LINGO2: variants seen among roughly 807,000 people sequenced by gnomAD.
LINGO2 encodes the protein leucine-rich repeat and immunoglobulin-like domain-containing nogo receptor-interacting protein 2.
A neutral mutation model predicts 30.6 loss-of-function variants in LINGO2; 14 were observed. The ratio of observed to expected loss-of-function variants is 0.46; its 90% CI spans 0.30 to 0.72. LINGO2 has a LOEUF of 0.72. Among genes scored for constraint, LINGO2 ranks in the 30% least tolerant of loss-of-function variants. LINGO2 has a pLI of 0.07. For synonymous variants in LINGO2, 317 were observed against 288.5 expected, an observed-to-expected ratio of 1.10 and a Z score of -1.00; for missense variants, 729 against 751.7, an observed-to-expected ratio of 0.97 and a Z score of 0.35.
At chr9:28,220,204 G>C (rs1042238400) in intron 4 of LINGO2, among the ~76,000 whole-genome samples, 3 of 152,194 alleles carry the variant, frequency 2.0e-5, no homozygotes, top group Admixed American at 1.3e-4. Context: ...CGTATCTCTG[G>C]GAGTCCTGGA....
the LINGO2 span, among the ~76,000 whole-genome samples, chr9:28,881,583 A>G: frequency 4.6e-5 from 7 of 151,754 alleles, no homozygotes; most frequent in African/African-American, 1.7e-4. Flanking sequence ...GAAAAATGCT[A>G]ACATTACTGA....
chr9:28,440,322 G>T (rs1345253179), intron 2 of LINGO2, among the ~76,000 whole-genome samples: 1 of 152,080 alleles, frequency 6.6e-6, no homozygotes, highest in Non-Finnish European at 1.5e-5. Flanking sequence ...AAAAAGGTGT[G>T]AATACTGAAG....
At chr9:27,943,355 C>G (rs1823240247), downstream of LINGO2, 1 of 152,038 alleles carries the variant, frequency 6.6e-6, no homozygotes, top group Non-Finnish European at 1.5e-5. Flanking sequence ...TTTTTGTTGT[C>G]TTCTAATGAC....
chr9:29,158,072 G>T, the LINGO2 span, among the ~76,000 whole-genome samples: 1 of 152,158 alleles, frequency 6.6e-6, no homozygotes, highest in Admixed American at 6.5e-5. Context: ...GCTGGGCATG[G>T]TGGCTCATGC....
the LINGO2 span, among the ~76,000 whole-genome samples, chr9:28,883,626 G>GTGTGTGTGTA: frequency 1.6e-4 from 4 of 25,638 alleles, no homozygotes; most frequent in African/African-American, 2.9e-4. Flanking sequence ...ATATGTGTGT[G>GTGTGTGTGTA]TGTATATATA....
At chr9:28,278,933 C>A (rs1823225811) in intron 4 of LINGO2, among the ~76,000 whole-genome samples, 1 of 152,070 alleles carries the variant, frequency 6.6e-6, no homozygotes, top group Non-Finnish European at 1.5e-5. Flanking sequence ...TCATAAAGAA[C>A]ATTCATTATT....
chr9:28,742,922 C>A, the LINGO2 span, among the ~76,000 whole-genome samples: 1 of 151,804 alleles, frequency 6.6e-6, no homozygotes, highest in Non-Finnish European at 1.5e-5. Context: ...ATATTTTATG[C>A]AATTCTTTTT....
At chr9:28,892,702 T>C in the LINGO2 span, among the ~76,000 whole-genome samples, 3 of 151,954 alleles carry the variant, frequency 2.0e-5, no homozygotes, top group African/African-American at 7.2e-5. Flanking sequence ...ATAACTGTAT[T>C]GACTTTAATT....
chr9:28,845,735 TAATA>T, the LINGO2 span, among the ~76,000 whole-genome samples: 14 of 151,708 alleles, frequency 9.2e-5, no homozygotes, highest in Admixed American at 2.0e-4. Flanking sequence ...GTGTGAGAAA[TAATA>T]AATAGATAAT....
chr9:29,187,612 T>A, the LINGO2 span, among the ~76,000 whole-genome samples: 2 of 152,180 alleles, frequency 1.3e-5, no homozygotes, highest in African/African-American at 2.4e-5. Flanking sequence ...AAACTATAAC[T>A]TTGCATTATA....
At chr9:28,552,928 C>T (rs573837282) in intron 1 of LINGO2, among the ~76,000 whole-genome samples, 2 of 150,318 alleles carry the variant, frequency 1.3e-5, no homozygotes, top group East Asian at 2.0e-4. Context: ...GATGAAGAAC[C>T]TTTTCTCACA....
chr9:28,014,260 G>C (rs569958761), intron 4 of LINGO2, among the ~76,000 whole-genome samples: 41 of 152,054 alleles, frequency 2.7e-4, no homozygotes, highest in Admixed American at 5.2e-4. Context: ...TTACCAAAGG[G>C]GAAAAAATGA....
intron 3 of LINGO2, among the ~76,000 whole-genome samples, chr9:28,324,027 T>C (rs1469891992): frequency 6.6e-6 from 1 of 151,970 alleles, no homozygotes; most frequent in Admixed American, 6.6e-5. Flanking sequence ...TTTCTACAGC[T>C]CTTATATAAA....
At chr9:28,855,130 G>GTGC in the LINGO2 span, among the ~76,000 whole-genome samples, 1 of 151,884 alleles carries the variant, frequency 6.6e-6, no homozygotes, top group African/African-American at 2.4e-5. Context: ...TCTTTAGTGG[G>GTGC]TGCTCTTCCT....
the LINGO2 span, among the ~76,000 whole-genome samples, chr9:28,772,331 G>T: frequency 6.6e-6 from 1 of 152,184 alleles, no homozygotes; most frequent in Non-Finnish European, 1.5e-5. Flanking sequence ...GCACTGTGCA[G>T]TTCTTTGGCT....
At position 28,309,495 on chromosome 9, in the gene LINGO2, AT is replaced by A. The variant is rs1824518593; in HGVS notation, c.-245-14130del. ...ATACCTAATGCAAAATGATGAGTTAATGGTTGCAGCACACCAGCATGGCACA... is the reference window on the plus strand; with the variant it reads ...ATACCTAATGCAAAATGATGAGTTAAGGTTGCAGCACACCAGCATGGCACA... On this transcript the variant is annotated intron_variant, in intron 3 of 5. Transcript: ENST00000379992. Among the ~76,000 whole-genome samples the A allele has an allele frequency of 2.0e-5, 3 of 151,874 alleles. No homozygotes were observed. The South Asian group carries it at 6.2e-4, about 32-fold the overall frequency.
the LINGO2 span, among the ~76,000 whole-genome samples, chr9:29,174,023 T>A: frequency 1.3e-5 from 2 of 152,012 alleles, no homozygotes; most frequent in African/African-American, 4.8e-5. Flanking sequence ...GGATTTACCA[T>A]GTTGTTTATA....
the LINGO2 span, among the ~76,000 whole-genome samples, chr9:28,770,537 T>C: frequency 1.3e-5 from 2 of 152,212 alleles, no homozygotes; most frequent in South Asian, 2.1e-4. Context: ...TCCAATAGTA[T>C]GCTTCCACTG....
Position 28,160,576 on chromosome 9 carries a change from C to T in LINGO2, c.-87+134632G>A, listed in dbSNP as rs549351130. On this transcript the variant is annotated intron_variant, in intron 4 of 5. Coordinates refer to ENST00000379992, the Ensembl canonical transcript of LINGO2. Reference sequence around the variant, plus strand: ...GTCCTTTCTGTTCCCCTCCTGCCCCCCTTCTGCTCTTGCTCTTCATCTCTG... The same window carrying T: ...GTCCTTTCTGTTCCCCTCCTGCCCCTCTTCTGCTCTTGCTCTTCATCTCTG... Among the ~76,000 whole-genome samples the T allele has an allele frequency of 1.1e-4, 16 of 152,268 alleles. No homozygotes were observed. The East Asian group carries it at 1.5e-3, about 15-fold the overall frequency.
Sources: allele counts gnomAD v4.1 joint callset (sites outside exome capture counted in the v4.1 genomes callset), GRCh38; gene constraint gnomAD v4.1.1; transcripts MANE v1.5; gene names NCBI Gene and HGNC (gene_info 2026-07-23, HGNC 2026-07-21).